The following PKNOX1 variants were observed in gnomAD, a reference collection of about 807,000 sequenced individuals.
PKNOX1 encodes the protein homeobox protein PKNOX1.
Under a neutral mutation model 51.9 loss-of-function variants are expected in PKNOX1, and 15 were observed. The observed-to-expected ratio is 0.29, with a 90% CI of 0.19 to 0.45. The LOEUF is 0.45. Among genes scored for constraint, PKNOX1 ranks in the 20% least tolerant of loss-of-function variants. The pLI is 1.00. For synonymous variants in PKNOX1, 219 were observed against 211.1 expected (o/e 1.04, Z -0.32); for missense variants, 462 against 547.5 (o/e 0.84, Z 1.56).
rs1979926962 is a variant in PKNOX1 at position 43,024,933 on chromosome 21, C to A, written c.912C>A (p.Leu304=). Reference sequence around the variant, plus strand: ...CTGCTCAGACAAATTTGACACTACTCCAAGTCAACAACTGGTAAGGTGCCC... The same window carrying A: ...CTGCTCAGACAAATTTGACACTACTACAAGTCAACAACTGGTAAGGTGCCC... ...QIAAQTNLTL[L]QVNNWFINAR... Residue 304 remains leucine, a synonymous_variant, in exon 9 of 11, where the codon CTC becomes CTA. Coordinates refer to ENST00000291547, the MANE Select transcript of PKNOX1 (RefSeq NM_004571.5). 1 of 1,608,378 alleles carries A rather than the reference C, an allele frequency of 6.2e-7. No homozygotes were observed. The highest frequency in any genetic ancestry group is 1.3e-5 in the African/African-American group (1 of 74,922).
chr21:43,028,162 C>T (rs1980064177), intron 9 of PKNOX1, among the ~76,000 whole-genome samples: 1 of 152,204 alleles, frequency 6.6e-6, no homozygotes, highest in African/African-American at 2.4e-5. Flanking sequence ...AAAGATGCAG[C>T]TCTTGCCTTA....
At position 42,994,631 on chromosome 21, in the gene PKNOX1, AATTT is replaced by A. The variant is rs1978409348; in HGVS notation, c.-56-9688_-56-9685del. ...TCAACAGTTATTGTTATCTGGACCC[AATTT>A]ATTTATGTTTATATTTTTATTGATC... On this transcript the variant is annotated intron_variant, in intron 1 of 10. Transcript: ENST00000291547. 2.6e-5 allele frequency among the ~76,000 whole-genome samples: 4 copies of A among 151,890 alleles called. No homozygotes were observed. The South Asian group carries it at 8.3e-4, about 32-fold the overall frequency.
At chr21:43,019,418 A>C (rs1601298627) in intron 7 of PKNOX1, among the ~76,000 whole-genome samples, 2 of 148,850 alleles carry the variant, frequency 1.3e-5, no homozygotes, top group East Asian at 3.9e-4. Flanking sequence ...ACAAAAAAAA[A>C]ACACACATTT....
At chr21:42,993,302 G>A (rs925373329) in intron 1 of PKNOX1, among the ~76,000 whole-genome samples, 2 of 152,058 alleles carry the variant, frequency 1.3e-5, no homozygotes, top group African/African-American at 4.8e-5. Context: ...CTGACTGAAC[G>A]AATGTCCGTC....
chr21:43,018,236 T>A lies in PKNOX1; in HGVS notation c.720+6T>A. On this transcript the variant is annotated splice_donor_region_variant and intron_variant, in intron 7 of 10. Transcript: ENST00000291547. ...TTAGGATCCAGAACTCCCAGGTGCG[T>A]GCGCCATTTTATGGAAGGCTTTGGG... 6.2e-7 allele frequency: 1 copy of A among 1,603,444 alleles called. No individual in the cohort carries two copies. The highest frequency in any genetic ancestry group is 8.5e-7 in the Non-Finnish European group (1 of 1,170,484).
intron 4 of PKNOX1, among the ~76,000 whole-genome samples, chr21:43,011,166 C>G (rs1218043981): frequency 6.7e-6 from 1 of 149,994 alleles, no homozygotes; most frequent in African/African-American, 2.5e-5. Flanking sequence ...CTCCCAGGTT[C>G]AAGCCATTCT....
chr21:42,982,685 C>T (rs1181949339), intron 1 of PKNOX1, among the ~76,000 whole-genome samples: 2 of 148,198 alleles, frequency 1.3e-5, no homozygotes, highest in African/African-American at 2.5e-5. Context: ...GAGCTGAGAT[C>T]GCGCCATTGC....
chr21:43,002,456 G>A (rs1978805024), intron 1 of PKNOX1, among the ~76,000 whole-genome samples: 1 of 128,806 alleles, frequency 7.8e-6, no homozygotes, highest in Admixed American at 9.7e-5. Context: ...CCCATTGACT[G>A]TGCCTCCTGT....
At position 43,010,105 on chromosome 21, in the gene PKNOX1, A is replaced by G; in HGVS notation, c.232A>G (p.Thr78Ala). 6.2e-7 allele frequency: 1 copy of G among 1,603,484 alleles called. No individual in the cohort carries two copies. The highest frequency in any genetic ancestry group is 8.5e-7 in the Non-Finnish European group (1 of 1,175,740). The part of the protein sequence containing the change: ...ALLFEKCEQS[T>A]QGSEGTTSAS... ...GTTGTTTGAAAAATGTGAACAATCT[A>G]CACAGGGCTCTGAAGGCACAACTTC... Residue 78 changes from threonine (T) to alanine (A), a missense_variant, in exon 4 of 11, where the codon ACA becomes GCA. Transcript: ENST00000291547.
intron 1 of PKNOX1, among the ~76,000 whole-genome samples, chr21:42,992,675 T>A (rs1049244327): frequency 6.6e-6 from 1 of 151,948 alleles, no homozygotes; most frequent in Non-Finnish European, 1.5e-5. Flanking sequence ...ACGTGCAGAC[T>A]CCACAGGACC....
intron 1 of PKNOX1, among the ~76,000 whole-genome samples, chr21:43,001,514 C>A (rs1415732802): frequency 6.6e-6 from 1 of 152,174 alleles, no homozygotes; most frequent in African/African-American, 2.4e-5. Flanking sequence ...TTTGGGGGCA[C>A]CACCTGGTTC....
intron 1 of PKNOX1, among the ~76,000 whole-genome samples, chr21:42,975,142 G>A (rs2058986852): frequency 1.4e-5 from 2 of 145,390 alleles, no homozygotes; most frequent in South Asian, 4.2e-4. Flanking sequence ...CGGCGCGCGT[G>A]GGGCCGGTCG....
intron 1 of PKNOX1, among the ~76,000 whole-genome samples, chr21:42,984,580 GTC>G (rs940806059): frequency 3.9e-5 from 6 of 152,072 alleles, no homozygotes; most frequent in African/African-American, 1.4e-4. Context: ...TAGAGACAGG[GTC>G]TCTCCATGTT....
chr21:43,017,125 G>A, intron 6 of PKNOX1, 118 bp downstream of exon 6: 3 of 630,670 alleles, frequency 4.8e-6, no homozygotes, highest in Non-Finnish European at 8.4e-6. Flanking sequence ...ATATAGCAAT[G>A]TTAGAAGCTA....
At chr21:42,994,223 G>A (rs973364654) in intron 1 of PKNOX1, among the ~76,000 whole-genome samples, 18 of 136,280 alleles carry the variant, frequency 1.3e-4, no homozygotes, top group African/African-American at 5.0e-4. Context: ...TGGATTTTTA[G>A]TAGAGATAAG....
Position 43,008,073 on chromosome 21 carries a change from A to C in PKNOX1, c.179+455A>C, listed in dbSNP as rs549605198. Among the ~76,000 whole-genome samples, 24 of 151,846 alleles carry C rather than the reference A, an allele frequency of 1.6e-4. No homozygotes were observed. In the South Asian group the frequency reaches 4.6e-3, roughly 29 times the overall value. On this transcript the variant is annotated intron_variant, in intron 3 of 10. Transcript: ENST00000291547. ...GAGCAAAACTCTGTCACACACACAC[A>C]CACACACACACACACACACACACAA...
intron 5 of PKNOX1, among the ~76,000 whole-genome samples, chr21:43,015,718 T>G (rs971015843): frequency 2.6e-5 from 4 of 152,232 alleles, no homozygotes; most frequent in African/African-American, 9.6e-5. Flanking sequence ...TTTAGGAGTT[T>G]AGAGTTGGTC....
Position 42,984,065 on chromosome 21 carries a change from C to T in PKNOX1, c.-57+9401C>T, listed in dbSNP as rs370320804. Among the ~76,000 whole-genome samples the T allele has an allele frequency of 2.1e-3, 213 of 99,192 alleles. 7 individuals carry two copies. The South Asian group carries it at 0.07, about 32-fold the overall frequency. The allele number at this position is 99,192 out of a possible 152,430, so 65.1% of individuals were successfully genotyped here. A position where few individuals can be genotyped will look rare whatever the true frequency, so the allele number is the denominator to read the frequency against. On this transcript the variant is annotated intron_variant, in intron 1 of 10. Coordinates refer to ENST00000291547, the MANE Select transcript of PKNOX1 (RefSeq NM_004571.5). Reference sequence around the variant, plus strand: ...TTGAATTGGGTTTCTTACATGCATACGTGTGTGCGTGTGTGTGCGTGTGTG... The same window carrying T: ...TTGAATTGGGTTTCTTACATGCATATGTGTGTGCGTGTGTGTGCGTGTGTG...
At chr21:42,989,132 A>T (rs1379920868) in intron 1 of PKNOX1, among the ~76,000 whole-genome samples, 1 of 152,086 alleles carries the variant, frequency 6.6e-6, no homozygotes, top group East Asian at 1.9e-4. Flanking sequence ...AAATAAACGT[A>T]AAAAGGGACT....
Sources: allele counts gnomAD v4.1 joint callset (sites outside exome capture counted in the v4.1 genomes callset), GRCh38; gene constraint gnomAD v4.1.1; transcripts MANE v1.5; gene names NCBI Gene and HGNC (gene_info 2026-07-23, HGNC 2026-07-21).